Variants in ZFAT observed in about 807,000 individuals in gnomAD.
The protein encoded by ZFAT is zinc finger and AT-hook domain containing.
ZFAT carries 64 observed loss-of-function variants against 117.7 expected under a neutral mutation model. The ratio of observed to expected loss-of-function variants is 0.54; its 90% confidence interval spans 0.44 to 0.67. The LOEUF is 0.67. Among genes scored for constraint, ZFAT ranks in the 30% least tolerant of loss-of-function variants. The probability of loss-of-function intolerance (pLI) is 0.00; values close to 1 mark genes in which losing one functional copy is unlikely to be tolerated. For missense variants in ZFAT, 1,433 were observed against 1,584.5 expected, an observed-to-expected ratio of 0.90 and a Z score of 1.62; for synonymous variants, 679 against 615.0, an observed-to-expected ratio of 1.10 and a Z score of -1.54.
intron 1 of ZFAT, among the ~76,000 whole-genome samples, chr8:134,703,447 C>T (rs1834068785): frequency 6.6e-6 from 1 of 152,216 alleles, no homozygotes; most frequent in Non-Finnish European, 1.5e-5. Flanking sequence ...GTGAGTAGTG[C>T]TGTGTGGCCA....
At chr8:134,528,519 C>G (rs1343607058) in intron 12 of ZFAT, among the ~76,000 whole-genome samples, 3 of 152,212 alleles carry the variant, frequency 2.0e-5, no homozygotes, top group African/African-American at 7.2e-5. Context: ...AACTAATACA[C>G]AAATATACAT....
At chr8:134,784,104 T>C in the ZFAT span, 3 of 152,222 alleles carry the variant, frequency 2.0e-5, no homozygotes, top group African/African-American at 7.2e-5. Context: ...TCCAGGGGCT[T>C]AGCGCTGTGA....
At chr8:134,599,766 G>A (rs1179091144) in intron 7 of ZFAT, 3 of 456,076 alleles carry the variant, frequency 6.6e-6, no homozygotes, top group South Asian at 4.7e-5. Flanking sequence ...ACTTGAAGAA[G>A]TCTCAAATCA....
At position 134,675,384 on chromosome 8, in the gene ZFAT, G is replaced by A. The variant is rs1832747440; in HGVS notation, c.20-17647C>T. Among the ~76,000 whole-genome samples the A allele has an allele frequency of 1.3e-5, 2 of 152,118 alleles. 1 individual carries two copies. Among genetic ancestry groups the A allele is most frequent in the Admixed American group, 1.3e-4 (2 of 15,268 alleles). ...TTGAAGATCAACTCAATGAAATAAA[G>A]TGAGAAGACAAGATTAGAGAAAAAA... On this transcript the variant is annotated intron_variant, in intron 1 of 15. Transcript: ENST00000377838.
chr8:134,667,492 C>CAAAAAAAA (rs34820180), intron 1 of ZFAT, among the ~76,000 whole-genome samples: 2 of 64,220 alleles, frequency 3.1e-5, no homozygotes, highest in Non-Finnish European at 3.0e-5. Context: ...GACTAAGTCT[C>CAAAAAAAA]AAAAAAAAAA....
the ZFAT span, among the ~76,000 whole-genome samples, chr8:134,820,858 C>T: frequency 6.6e-6 from 1 of 152,188 alleles, no homozygotes; most frequent in Non-Finnish European, 1.5e-5. Flanking sequence ...AGTATTTATA[C>T]ACCAGATCAT....
intron 4 of ZFAT, among the ~76,000 whole-genome samples, chr8:134,610,053 C>T (rs1014930125): frequency 6.6e-6 from 1 of 152,184 alleles, no homozygotes; most frequent in African/African-American, 2.4e-5. Flanking sequence ...GCAGAGTTAG[C>T]ATGGGTTTTG....
At chr8:134,631,538 G>C (rs1445139857) in intron 3 of ZFAT, among the ~76,000 whole-genome samples, 1 of 152,200 alleles carries the variant, frequency 6.6e-6, no homozygotes, top group Admixed American at 6.5e-5. Context: ...TCTAAAAGGG[G>C]AGTTCTTTAA....
chr8:134,714,107 G>GTCCCC (rs1814152776), upstream of ZFAT, among the ~76,000 whole-genome samples: 1 of 94,390 alleles, frequency 1.1e-5, no homozygotes, highest in Non-Finnish European at 2.0e-5. Context: ...GCAAAGACAT[G>GTCCCC]CCCCCCCCCC....
chr8:134,573,610 TA>T (rs1203000250), intron 10 of ZFAT, among the ~76,000 whole-genome samples: 3 of 152,138 alleles, frequency 2.0e-5, no homozygotes, highest in African/African-American at 4.8e-5. Flanking sequence ...CCATTTCCCT[TA>T]AAAAATGTGT....
Position 134,552,789 on chromosome 8 carries a change from G to T in ZFAT, c.2976+12544C>A, listed in dbSNP as rs540653030. On this transcript the variant is annotated intron_variant, in intron 11 of 15. Coordinates refer to ENST00000377838, the MANE Select transcript of ZFAT (RefSeq NM_020863.4). The stretch of plus-strand genomic sequence containing the variant: ...AAAGCGTCTAAAGTAAGAAGGAAGG[G>T]TCAGCATGAAGTCACACTGAAGAAT... Among the ~76,000 whole-genome samples, 14 of 152,348 alleles carry T rather than the reference G, an allele frequency of 9.2e-5. No individual in the cohort carries two copies. In the East Asian group the frequency reaches 2.5e-3, roughly 27 times the overall value.
chr8:134,601,372 T>A lies in ZFAT; in HGVS notation c.2242+105A>T, dbSNP rs1021994707. The A allele has an allele frequency of 1.4e-5, 21 of 1,475,556 alleles. No individual in the cohort carries two copies. The African/African-American group carries it at 2.5e-4, about 18-fold the overall frequency. 91.4% of individuals were successfully genotyped at this position (1,475,556 alleles called of 1,614,324 possible). ...TCTACAATGGAGGAGGATGGCTCACTTAGAAGGTATTCTTTGCAAACAGAC... is the reference window on the plus strand; with the variant it reads ...TCTACAATGGAGGAGGATGGCTCACATAGAAGGTATTCTTTGCAAACAGAC... On this transcript the variant is annotated intron_variant, in intron 6 of 15. Transcript: ENST00000377838.
chr8:134,630,214 GCACGGCTGGAGACCA>G (rs1829791292), intron 3 of ZFAT, among the ~76,000 whole-genome samples: 1 of 152,236 alleles, frequency 6.6e-6, no homozygotes, highest in Non-Finnish European at 1.5e-5. Flanking sequence ...CCAAGACCAA[GCACGGCTGGAGACCA>G]CTGGGTTTCC....
At chr8:134,801,001 C>T in the ZFAT span, among the ~76,000 whole-genome samples, 2 of 152,082 alleles carry the variant, frequency 1.3e-5, no homozygotes, top group African/African-American at 4.8e-5. Context: ...GCTGATTATC[C>T]AGCCTTCCTA....
Position 134,696,506 on chromosome 8 carries a change from T to G in ZFAT, c.19+16339A>C, listed in dbSNP as rs1833850779. 4.1e-6 allele frequency: 4 copies of G among 981,310 alleles called. No individual in the cohort carries two copies. The South Asian group carries it at 1.9e-4, about 47-fold the overall frequency. The allele number at this position is 981,310 out of a possible 1,614,324, so 60.8% of individuals were successfully genotyped here. The stretch of plus-strand genomic sequence containing the variant: ...CCGCTTCCCACGGAGCATGCAGAGG[T>G]GAGGCCACCGCCTCTCCATCTACAC... On this transcript the variant is annotated intron_variant, in intron 1 of 15. Transcript: ENST00000377838.
At chr8:134,825,285 T>A in the ZFAT span, among the ~76,000 whole-genome samples, 1 of 152,204 alleles carries the variant, frequency 6.6e-6, no homozygotes, top group East Asian at 1.9e-4. Flanking sequence ...TCAACATGTT[T>A]TAGAACGAAA....
the ZFAT span, among the ~76,000 whole-genome samples, chr8:134,808,826 A>C: frequency 6.6e-6 from 1 of 152,262 alleles, no homozygotes; most frequent in Non-Finnish European, 1.5e-5. Context: ...CAGTTCTGCT[A>C]TAATAATGAA....
chr8:134,771,173 T>C, the ZFAT span, among the ~76,000 whole-genome samples: 542 of 152,370 alleles, frequency 3.6e-3, 4 homozygotes, highest in African/African-American at 0.013. Context: ...TTTTTGTGGC[T>C]TGTGAGGCAT....
At chr8:134,604,613 T>C (rs532608056) in intron 5 of ZFAT, among the ~76,000 whole-genome samples, 1 of 152,306 alleles carries the variant, frequency 6.6e-6, no homozygotes, top group South Asian at 2.1e-4. Flanking sequence ...ATACTAATAA[T>C]CAGGTTGTGC....
Sources: allele counts gnomAD v4.1 joint callset (sites outside exome capture counted in the v4.1 genomes callset), GRCh38; gene constraint gnomAD v4.1.1; transcripts MANE v1.5; gene names NCBI Gene and HGNC (gene_info 2026-07-23, HGNC 2026-07-21).